The following TSHZ2 variants were observed in gnomAD, a reference collection of about 807,000 sequenced individuals.
TSHZ2 encodes teashirt homolog 2.
TSHZ2 carries 21 observed loss-of-function variants against 74.4 expected under a neutral mutation model. The ratio of observed to expected loss-of-function variants is 0.28; its 90% CI spans 0.20 to 0.41. The LOEUF is 0.41. Among genes scored for constraint, TSHZ2 ranks in the 10% least tolerant of loss-of-function variants. The pLI is 1.00. For missense variants in TSHZ2, 1,244 were observed against 1,293.5 expected (o/e 0.96, Z 0.59); for synonymous variants, 540 against 515.3 (o/e 1.05, Z -0.65).
chr20:53,325,786 T>G (rs1979466512), intron 2 of TSHZ2, among the ~76,000 whole-genome samples: 1 of 152,122 alleles, frequency 6.6e-6, no homozygotes, highest in South Asian at 2.1e-4. Context: ...TTTTTTTGTT[T>G]TGTTTTGTTT....
At chr20:53,177,383 T>G (rs1337630025) in intron 1 of TSHZ2, among the ~76,000 whole-genome samples, 1 of 152,228 alleles carries the variant, frequency 6.6e-6, no homozygotes, top group East Asian at 1.9e-4. Context: ...AATTTTAATG[T>G]GCGTATGAAT....
chr20:53,219,909 C>T (rs1490845275), intron 1 of TSHZ2, among the ~76,000 whole-genome samples: 1 of 152,102 alleles, frequency 6.6e-6, no homozygotes, highest in African/African-American at 2.4e-5. Flanking sequence ...AGTTAGACAC[C>T]TCTAATATAG....
chr20:53,457,309 T>C (rs1985136650), intron 2 of TSHZ2, among the ~76,000 whole-genome samples: 1 of 135,546 alleles, frequency 7.4e-6, no homozygotes, highest in Non-Finnish European at 1.6e-5. Context: ...TATTTTATTC[T>C]CTTTGAAGCA....
At position 53,107,491 on chromosome 20, in the gene TSHZ2, A is replaced by G. The variant is rs181829282; in HGVS notation, c.40+134158A>G. Reference sequence around the variant, plus strand: ...CACCTCCTAACCTGAAGCCTTCTCTATGGGAGAGGTTTGAACATCCATCTC... The same window carrying G: ...CACCTCCTAACCTGAAGCCTTCTCTGTGGGAGAGGTTTGAACATCCATCTC... On this transcript the variant is annotated intron_variant, in intron 1 of 2. Coordinates refer to ENST00000371497, the MANE Select transcript of TSHZ2 (RefSeq NM_173485.6). Among the ~76,000 whole-genome samples the G allele has an allele frequency of 3.3e-4, 50 of 152,302 alleles. No individual in the cohort carries two copies. In the South Asian group the frequency reaches 9.1e-3, roughly 28 times the overall value.
At chr20:53,093,835 A>G (rs951854673) in intron 1 of TSHZ2, among the ~76,000 whole-genome samples, 3 of 152,166 alleles carry the variant, frequency 2.0e-5, no homozygotes, top group African/African-American at 7.2e-5. Context: ...TATGATGATA[A>G]TCATTATCAT....
intron 2 of TSHZ2, among the ~76,000 whole-genome samples, chr20:53,389,410 G>A (rs1385506463): frequency 6.6e-6 from 1 of 152,234 alleles, no homozygotes; most frequent in Non-Finnish European, 1.5e-5. Flanking sequence ...ATGTTCAGAG[G>A]AAATTGTGTC....
intron 1 of TSHZ2, among the ~76,000 whole-genome samples, chr20:53,083,835 T>C (rs962156544): frequency 6.7e-6 from 1 of 149,328 alleles, no homozygotes; most frequent in Non-Finnish European, 1.5e-5. Flanking sequence ...AGAGGGAATG[T>C]CTATTTTTTT....
rs188305072 is a variant in TSHZ2, at chr20:53,035,064, C to T, written c.40+61731C>T. ...ATGGCAGTGGTGAGGGAGGCATGAA[C>T]GACTTAGGACGTGGTTTGCAGGCAG... On this transcript the variant is annotated intron_variant, in intron 1 of 2. Transcript: ENST00000371497. Among the ~76,000 whole-genome samples the T allele has an allele frequency of 1.2e-3, 182 of 152,216 alleles. 1 individual carries two copies. Among genetic ancestry groups the T allele is most frequent in the African/African-American group, 3.5e-3 (145 of 41,526 alleles).
At position 53,362,792 on chromosome 20, in the gene TSHZ2, C is replaced by T. The variant is rs1981117370; in HGVS notation, c.*8+106221C>T. Among the ~76,000 whole-genome samples the T allele has an allele frequency of 2.0e-5, 3 of 152,240 alleles. No homozygotes were observed. The South Asian group carries it at 6.2e-4, about 32-fold the overall frequency. On this transcript the variant is annotated intron_variant, in intron 2 of 2. Coordinates refer to ENST00000371497, the MANE Select transcript of TSHZ2 (RefSeq NM_173485.6). ...ACATTAATTTATTATAAATACTTCC[C>T]TTGTATTTGCCCCTTAAAAATTGTG...
rs6022306 is a variant in TSHZ2, at chr20:53,157,245, C to T, written c.41-96254C>T. ...TTTTTAGAGCTTAGATCCTTATGGG[C>T]GTAAAACACTCTGATTGTGTTTAAG... On this transcript the variant is annotated intron_variant, in intron 1 of 2. Coordinates refer to ENST00000371497, the MANE Select transcript of TSHZ2 (RefSeq NM_173485.6). Among the ~76,000 whole-genome samples, 820 of 150,162 alleles carry T rather than the reference C, an allele frequency of 5.5e-3. 10 individuals carry two copies. Among genetic ancestry groups the T allele is most frequent in the African/African-American group, 0.019 (782 of 40,166 alleles).
At chr20:53,070,101 A>G (rs974455345) in intron 1 of TSHZ2, among the ~76,000 whole-genome samples, 1 of 152,164 alleles carries the variant, frequency 6.6e-6, no homozygotes. Flanking sequence ...AGCAAGAAAA[A>G]CTTCATGAAA....
At chr20:53,056,993 G>A (rs971318381) in intron 1 of TSHZ2, among the ~76,000 whole-genome samples, 2 of 152,138 alleles carry the variant, frequency 1.3e-5, no homozygotes, top group African/African-American at 2.4e-5. Context: ...GGACCTGGTG[G>A]GAGGTCATTG....
At chr20:53,270,793 T>C (rs1001604592) in intron 2 of TSHZ2, among the ~76,000 whole-genome samples, 2 of 152,144 alleles carry the variant, frequency 1.3e-5, no homozygotes, top group African/African-American at 4.8e-5. Context: ...TTTTTATCGA[T>C]GGAGAAAAAA....
intron 1 of TSHZ2, among the ~76,000 whole-genome samples, chr20:53,101,354 G>A (rs1221295505): frequency 2.0e-5 from 3 of 152,158 alleles, no homozygotes; most frequent in Non-Finnish European, 4.4e-5. Flanking sequence ...AAGGAGGGGG[G>A]AGTGATAGTT....
At chr20:53,402,029 C>T (rs189875959) in intron 2 of TSHZ2, among the ~76,000 whole-genome samples, 273 of 152,156 alleles carry the variant, frequency 1.8e-3, no homozygotes, top group African/African-American at 6.2e-3. Context: ...GTGATCTGCC[C>T]GCCTTGGCCT....
intron 1 of TSHZ2, among the ~76,000 whole-genome samples, chr20:53,013,355 AT>A (rs534884861): frequency 0.02 from 2,919 of 149,670 alleles, 42 homozygotes; most frequent in African/African-American, 0.035. Flanking sequence ...GAGCTCGAGC[AT>A]TTTTTTTTTA....
chr20:52,985,763 G>A (rs1243410308), intron 1 of TSHZ2, among the ~76,000 whole-genome samples: 1 of 152,114 alleles, frequency 6.6e-6, no homozygotes, highest in Non-Finnish European at 1.5e-5. Context: ...AAAACCCAAG[G>A]AGCCGAAAGC....
At chr20:53,314,018 C>T (rs183550338) in intron 2 of TSHZ2, among the ~76,000 whole-genome samples, 38 of 152,140 alleles carry the variant, frequency 2.5e-4, no homozygotes, top group Non-Finnish European at 4.9e-4. Flanking sequence ...AATTGAAATA[C>T]GATGCTGGCC....
intron 1 of TSHZ2, among the ~76,000 whole-genome samples, chr20:53,182,060 G>A (rs556647201): frequency 5.1e-4 from 77 of 152,040 alleles, no homozygotes; most frequent in African/African-American, 1.8e-3. Context: ...CACCTACTAC[G>A]TGCCACATAT....
Sources: gnomAD v4.1 joint callset for allele counts (sites outside exome capture counted in the v4.1 genomes callset) on GRCh38, gnomAD v4.1.1 for gene constraint, MANE v1.5 for transcripts, NCBI Gene and HGNC (gene_info 2026-07-23, HGNC 2026-07-21) for gene names.